Variants in TTC39B observed in about 807,000 individuals in gnomAD.
TTC39B encodes tetratricopeptide repeat domain 39B.
A neutral mutation model predicts 96.6 loss-of-function variants in TTC39B; 92 were observed. That is an observed-to-expected ratio of 0.95 (90% CI 0.80 to 1.13). The LOEUF (loss-of-function observed/expected upper bound fraction) is 1.13. Among genes scored for constraint, TTC39B ranks in the 50% most tolerant of loss-of-function variants. The pLI, the probability that TTC39B is intolerant of heterozygous loss-of-function variation, is 0.00. For synonymous variants in TTC39B, 367 were observed against 299.4 expected (o/e 1.23, Z -2.33); for missense variants, 955 against 809.3 (o/e 1.18, Z -2.18).
chr9:15,188,014 T>A, exon 14 of TTC39B: 1 of 1,612,558 alleles, frequency 6.2e-7, no homozygotes, highest in East Asian at 2.2e-5. Flanking sequence ...TGAATAGTAA[T>A]ATGCCTGCAT....
chr9:15,223,701 G>C (rs1820969974), intron 3 of TTC39B, among the ~76,000 whole-genome samples: 1 of 152,182 alleles, frequency 6.6e-6, no homozygotes, highest in South Asian at 2.1e-4. Context: ...GGCAGAGTGA[G>C]AATGTCTGTT....
intron 1 of TTC39B, among the ~76,000 whole-genome samples, chr9:15,279,880 T>C (rs1309831675): frequency 1.3e-5 from 2 of 149,666 alleles, no homozygotes; most frequent in African/African-American, 5.0e-5. Context: ...AATAAAGTAC[T>C]TTTTTTCTTT....
At chr9:15,223,287 G>A (rs1006129847) in intron 3 of TTC39B, among the ~76,000 whole-genome samples, 3 of 152,222 alleles carry the variant, frequency 2.0e-5, no homozygotes, top group African/African-American at 7.2e-5. Context: ...CTAAACAAGT[G>A]AAAGGGATTA....
chr9:15,224,051 A>C (rs1366430302), intron 3 of TTC39B, among the ~76,000 whole-genome samples: 1 of 152,162 alleles, frequency 6.6e-6, no homozygotes, highest in Non-Finnish European at 1.5e-5. Context: ...TAAAACTAGC[A>C]AGAAAGATAA....
At chr9:15,175,243 TATTATCATAGAA>T in intron 18 of TTC39B, 108 bp from the exon 19 acceptor site, 2 of 739,346 alleles carry the variant, frequency 2.7e-6, no homozygotes, top group Middle Eastern at 7.0e-4. Flanking sequence ...GCACTAAGTC[TATTATCATAGAA>T]AGGCGGCCAT....
chr9:15,245,586 G>A (rs369324659), intron 2 of TTC39B, among the ~76,000 whole-genome samples: 7 of 152,146 alleles, frequency 4.6e-5, no homozygotes, highest in African/African-American at 1.7e-4. Context: ...TGGATTGCTG[G>A]AATGAAGGGC....
In TTC39B at chr9:15,189,613, A is replaced by G. The variant is rs770150129; in HGVS notation, c.1194T>C (p.Tyr398=). 5.6e-6 allele frequency: 9 copies of G among 1,614,178 alleles called. No individual in the cohort carries two copies. The South Asian group carries it at 9.9e-5, about 18-fold the overall frequency. The change falls in exon 13 of 20, where the codon TAT becomes TAC. Residue 398 remains tyrosine, a synonymous_variant. Coordinates refer to ENST00000512701, the Ensembl canonical transcript of TTC39B. Reference sequence around the variant, plus strand: ...CTTTCAGCAACTCTATTCGGGCATGATAAAACAACACGAGTGAGCCCTGCA... The same window carrying G: ...CTTTCAGCAACTCTATTCGGGCATGGTAAAACAACACGAGTGAGCCCTGCA...
chr9:15,245,047 C>G (rs992328327), intron 2 of TTC39B, among the ~76,000 whole-genome samples: 1 of 152,144 alleles, frequency 6.6e-6, no homozygotes, highest in African/African-American at 2.4e-5. Context: ...AATTATTGGT[C>G]TACTTTTCAA....
rs188118479 is a variant in TTC39B at position 15,251,111 on chromosome 9, G to A, written c.275+16803C>T. ...CTCGGGAGGCTGAGGCAGAAGAATC[G>A]CTTGAACCCGGGAGGTGGAGGTTGC... On this transcript the variant is annotated intron_variant, in intron 2 of 19. Transcript: ENST00000512701. 1.7e-3 allele frequency among the ~76,000 whole-genome samples: 260 copies of A among 151,304 alleles called. 3 individuals carry two copies. Among genetic ancestry groups the A allele is most frequent in the Admixed American group, 6.6e-3 (100 of 15,202 alleles).
chr9:15,232,793 A>G (rs1586926187), intron 2 of TTC39B, among the ~76,000 whole-genome samples: 1 of 152,210 alleles, frequency 6.6e-6, no homozygotes, highest in South Asian at 2.1e-4. Flanking sequence ...AGACCCTCAA[A>G]CCTTGGCTAA....
At chr9:15,200,785 G>C (rs1407391022) in intron 7 of TTC39B, among the ~76,000 whole-genome samples, 1 of 152,212 alleles carries the variant, frequency 6.6e-6, no homozygotes. Flanking sequence ...TGGATCACCA[G>C]GTTAGGAGAT....
chr9:15,214,326 GTGTGTGTGTGTGTGTGTGTGTC>G (rs1820381457), intron 3 of TTC39B, 77 bp from the exon 4 acceptor site: 3 of 813,722 alleles, frequency 3.7e-6, no homozygotes, highest in African/African-American at 1.9e-5. Flanking sequence ...GTGTGTGTGT[GTGTGTGTGTGTGTGTGTGTGTC>G]TGTGTGTGTG....
chr9:15,201,890 G>C (rs1470910411), intron 7 of TTC39B, among the ~76,000 whole-genome samples: 2 of 152,188 alleles, frequency 1.3e-5, no homozygotes, highest in Non-Finnish European at 1.5e-5. Flanking sequence ...AAGCAGAGAA[G>C]TGACCAGGTC....
At chr9:15,295,108 A>C (rs774041579) in intron 1 of TTC39B, among the ~76,000 whole-genome samples, 1 of 152,200 alleles carries the variant, frequency 6.6e-6, no homozygotes, top group Non-Finnish European at 1.5e-5. Flanking sequence ...TTAATTCATA[A>C]GGCTTACAAT....
At chr9:15,230,751 G>A (rs567504036) in intron 2 of TTC39B, among the ~76,000 whole-genome samples, 5 of 152,280 alleles carry the variant, frequency 3.3e-5, no homozygotes, top group South Asian at 4.1e-4. Context: ...TTGGGAGGCC[G>A]AGGAGGGCAG....
chr9:15,268,787 A>G (rs1430822646), intron 1 of TTC39B, among the ~76,000 whole-genome samples: 1 of 152,196 alleles, frequency 6.6e-6, no homozygotes, highest in African/African-American at 2.4e-5. Context: ...CCTGTGCTTG[A>G]CACCCTCCAT....
At chr9:15,231,677 A>C (rs184546871) in intron 2 of TTC39B, among the ~76,000 whole-genome samples, 293 of 152,346 alleles carry the variant, frequency 1.9e-3, no homozygotes, top group African/African-American at 6.8e-3. Context: ...TAGCAGAGCC[A>C]ATTCAAATTT....
chr9:15,199,898 C>G, exon 8 of TTC39B: 1 of 1,543,060 alleles, frequency 6.5e-7, no homozygotes, highest in South Asian at 1.2e-5. Context: ...TTGAGTCCAC[C>G]TTTGATGAAG....
exon 18 of TTC39B, chr9:15,177,709 T>A: frequency 3.7e-6 from 6 of 1,609,902 alleles, no homozygotes; most frequent in Non-Finnish European, 5.1e-6. Flanking sequence ...TTCCACAACA[T>A]GATTGTAACA....
Sources: allele counts gnomAD v4.1 joint callset (sites outside exome capture counted in the v4.1 genomes callset), GRCh38; gene constraint gnomAD v4.1.1; transcripts MANE v1.5; gene names NCBI Gene and HGNC (gene_info 2026-07-23, HGNC 2026-07-21).